The following SLC9A9 variants were observed in gnomAD, a reference collection of about 807,000 sequenced individuals.
SLC9A9 encodes solute carrier family 9 member A9.
A neutral mutation model predicts 77.8 loss-of-function variants in SLC9A9; 62 were observed. That is an observed-to-expected ratio of 0.80 (90% confidence interval 0.65 to 0.98). SLC9A9 has a LOEUF of 0.98. Ranked by LOEUF, SLC9A9 falls within the 50% of genes least tolerant of loss-of-function variation. SLC9A9 has a pLI of 0.00. For missense variants in SLC9A9, 775 were observed against 774.9 expected (o/e 1.00, Z 0.00); for synonymous variants, 320 against 283.5 (o/e 1.13, Z -1.29).
intron 2 of SLC9A9, among the ~76,000 whole-genome samples, chr3:143,823,467 T>C (rs2009222256): frequency 6.6e-6 from 1 of 152,136 alleles, no homozygotes. Context: ...CAACAGCCCA[T>C]GCACATACTG....
chr3:143,588,378 C>T (rs374174839), intron 6 of SLC9A9, among the ~76,000 whole-genome samples: 4 of 152,304 alleles, frequency 2.6e-5, no homozygotes, highest in East Asian at 1.9e-4. Flanking sequence ...AGGAGCAGTA[C>T]TTCAATAGAG....
chr3:143,346,557 C>CG (rs1559876942), intron 14 of SLC9A9, among the ~76,000 whole-genome samples: 1 of 151,754 alleles, frequency 6.6e-6, no homozygotes, highest in East Asian at 1.9e-4. Flanking sequence ...GAGGCTGAGT[C>CG]GGGGGGGATC....
At chr3:143,280,089 G>A (rs1938171330) in intron 14 of SLC9A9, among the ~76,000 whole-genome samples, 1 of 152,180 alleles carries the variant, frequency 6.6e-6, no homozygotes, top group South Asian at 2.1e-4. Context: ...CCAAGGTGCT[G>A]GGATTATAGG....
chr3:143,637,563 C>T (rs1004505032), intron 6 of SLC9A9, among the ~76,000 whole-genome samples: 1 of 152,110 alleles, frequency 6.6e-6, no homozygotes, highest in Non-Finnish European at 1.5e-5. Flanking sequence ...TTATATACAC[C>T]TTAGTAAGTA....
intron 9 of SLC9A9, among the ~76,000 whole-genome samples, chr3:143,519,688 G>A (rs2036263129): frequency 6.6e-6 from 1 of 152,112 alleles, no homozygotes; most frequent in Non-Finnish European, 1.5e-5. Flanking sequence ...AGTCCAAGTG[G>A]AAGATGTTAG....
chr3:143,652,146 C>A, intron 6 of SLC9A9, 109 bp downstream of exon 6: 1 of 889,678 alleles, frequency 1.1e-6, no homozygotes, highest in Non-Finnish European at 1.8e-6. Flanking sequence ...ATAACAATTC[C>A]TTGAAAAAAG....
At chr3:143,803,502 T>C (rs2008623573) in intron 2 of SLC9A9, among the ~76,000 whole-genome samples, 1 of 152,216 alleles carries the variant, frequency 6.6e-6, no homozygotes, top group South Asian at 2.1e-4. Context: ...CTCCAAGCCA[T>C]CACAGCTGTT....
chr3:143,644,323 A>G (rs141666653), intron 6 of SLC9A9, among the ~76,000 whole-genome samples: 1 of 152,340 alleles, frequency 6.6e-6, no homozygotes, highest in Non-Finnish European at 1.5e-5. Context: ...TATTTTTGGT[A>G]GGCCAATTTG....
chr3:143,494,418 G>A (rs150555580), intron 10 of SLC9A9, among the ~76,000 whole-genome samples: 6 of 152,278 alleles, frequency 3.9e-5, no homozygotes, highest in Admixed American at 3.3e-4. Flanking sequence ...TCAATGGGAC[G>A]GAGTTATTTG....
chr3:143,412,463 G>T (rs952302316), intron 12 of SLC9A9, among the ~76,000 whole-genome samples: 1 of 152,054 alleles, frequency 6.6e-6, no homozygotes, highest in African/African-American at 2.4e-5. Context: ...GCCCTCCCCC[G>T]GCTGGAGTTA....
At chr3:143,429,996 C>T (rs932713678) in intron 12 of SLC9A9, among the ~76,000 whole-genome samples, 1 of 152,326 alleles carries the variant, frequency 6.6e-6, no homozygotes, top group Non-Finnish European at 1.5e-5. Context: ...GAGCTAGAAA[C>T]TGAAACCAGC....
intron 12 of SLC9A9, among the ~76,000 whole-genome samples, chr3:143,401,875 C>T (rs772434591): frequency 6.6e-4 from 101 of 152,132 alleles, no homozygotes; most frequent in Non-Finnish European, 1.2e-3. Context: ...ATTAAATGCT[C>T]CAACTTAAAC....
chr3:143,679,543 G>A (rs540813249), intron 5 of SLC9A9, among the ~76,000 whole-genome samples: 15 of 152,242 alleles, frequency 9.9e-5, no homozygotes, highest in African/African-American at 2.4e-4. Context: ...CCCTCTACCC[G>A]TCCAATGCCA....
At chr3:143,471,452 G>C (rs186527208) in intron 11 of SLC9A9, among the ~76,000 whole-genome samples, 4 of 152,228 alleles carry the variant, frequency 2.6e-5, no homozygotes, top group African/African-American at 9.6e-5. Flanking sequence ...AGGATTTTAG[G>C]ATTGAAATAG....
chr3:143,375,732 C>G (rs1301877647), intron 13 of SLC9A9, among the ~76,000 whole-genome samples: 3 of 152,156 alleles, frequency 2.0e-5, no homozygotes, highest in Non-Finnish European at 4.4e-5. Flanking sequence ...ACAACTGAAC[C>G]CCACAGACTT....
At chr3:143,778,013 C>T (rs796278211) in intron 4 of SLC9A9, among the ~76,000 whole-genome samples, 9 of 84,122 alleles carry the variant, frequency 1.1e-4, no homozygotes, top group Admixed American at 3.8e-4. Context: ...ACGCCCGGCC[C>T]GTCACTGATA....
intron 4 of SLC9A9, among the ~76,000 whole-genome samples, chr3:143,790,396 T>G (rs1246923969): frequency 6.6e-6 from 1 of 152,240 alleles, no homozygotes; most frequent in African/African-American, 2.4e-5. Flanking sequence ...TGCAATTATA[T>G]TCACAGCCAA....
At chr3:143,483,777 C>A (rs1006331) in intron 11 of SLC9A9, among the ~76,000 whole-genome samples, 2 of 151,742 alleles carry the variant, frequency 1.3e-5, no homozygotes, top group Non-Finnish European at 1.5e-5. Flanking sequence ...AATGGACAAC[C>A]ATTTATCATA....
chr3:143,424,556 C>T (rs35332218), intron 12 of SLC9A9, among the ~76,000 whole-genome samples: 94,837 of 151,692 alleles, frequency 0.63, 29,983 homozygotes, highest in African/African-American at 0.71. Flanking sequence ...GGTCTCAATC[C>T]CCTGACCTCA....
Sources: gnomAD v4.1 joint callset for allele counts (sites outside exome capture counted in the v4.1 genomes callset) on GRCh38, gnomAD v4.1.1 for gene constraint, MANE v1.5 for transcripts, NCBI Gene and HGNC (gene_info 2026-07-23, HGNC 2026-07-21) for gene names.